PCDH15: variants seen among roughly 807,000 people sequenced by gnomAD.
PCDH15 encodes the protein protocadherin related 15, also known as protocadherin-15.
In PCDH15, 129 loss-of-function variants were observed where a neutral mutation model predicts 178.5. The observed-to-expected ratio is 0.72, with a 90% CI of 0.63 to 0.84. The LOEUF is 0.84. Among genes scored for constraint, PCDH15 ranks in the 40% least tolerant of loss-of-function variants. The probability of loss-of-function intolerance (pLI) is 0.00; values close to 1 mark genes in which losing one functional copy is unlikely to be tolerated. For synonymous variants in PCDH15, 800 were observed against 732.0 expected (o/e 1.09, Z -1.50); for missense variants, 2,230 against 2,099.9 (o/e 1.06, Z -1.21).
chr10:53,860,215 A>G lies in PCDH15; in HGVS notation c.3718-2952T>C, dbSNP rs534595934. On this transcript the variant is annotated intron_variant, in intron 27 of 37. Transcript: ENST00000644397. ...ATTTGTGTGGAAAATAATGAAATAA[A>G]TATTTGGTAATCAGAAGTATAGACT... Among the ~76,000 whole-genome samples, 7 of 152,280 alleles carry G rather than the reference A, an allele frequency of 4.6e-5. No individual in the cohort carries two copies. In the South Asian group the frequency reaches 1.4e-3, roughly 32 times the overall value.
rs568114637 is a variant in PCDH15, at chr10:55,462,512, G to A, written c.-156+165113C>T. Among the ~76,000 whole-genome samples the A allele has an allele frequency of 2.4e-4, 37 of 152,180 alleles. 1 individual carries two copies. The South Asian group carries it at 6.4e-3, about 26-fold the overall frequency. ...AAGGAGTATCAATGTTTCCATTGTT[G>A]CTTTAAAGCATTCATAGTTATGTTC... On this transcript the variant is annotated intron_variant, in intron 2 of 5. Transcript: ENST00000613346.
chr10:54,403,845 ACACT>A (rs573385721), intron 3 of PCDH15, among the ~76,000 whole-genome samples: 56 of 151,704 alleles, frequency 3.7e-4, no homozygotes, highest in Middle Eastern at 3.4e-3. Context: ...TAACTGCCAC[ACACT>A]CACACACACA....
chr10:53,822,743 T>C lies in PCDH15; in HGVS notation c.4368-2513A>G, dbSNP rs1231967235. 15 of 1,614,048 alleles carry C rather than the reference T, an allele frequency of 9.3e-6. No individual in the cohort carries two copies. Among genetic ancestry groups the C allele is most frequent in the Non-Finnish European group, 1.1e-5 (13 of 1,179,954 alleles). On this transcript the variant is annotated intron_variant, in intron 32 of 37. Transcript: ENST00000644397. ...AGAAGTGAGGCCTGGGAAAGCAAAA[T>C]GAAGAGTCTGAAGAGAGAGATTTCA...
intron 8 of PCDH15, among the ~76,000 whole-genome samples, chr10:54,279,563 T>G (rs936722235): frequency 6.6e-6 from 1 of 151,662 alleles, no homozygotes; most frequent in African/African-American, 2.4e-5. Flanking sequence ...TCTACTCATT[T>G]GCCATCCAAA....
At chr10:53,919,123 G>C (rs1289955885) in intron 25 of PCDH15, among the ~76,000 whole-genome samples, 1 of 152,060 alleles carries the variant, frequency 6.6e-6, no homozygotes, top group Non-Finnish European at 1.5e-5. Flanking sequence ...AGATAGTCCA[G>C]AATAATCACC....
chr10:55,077,368 T>G (rs75968970), intron 2 of PCDH15, among the ~76,000 whole-genome samples: 1,612 of 152,184 alleles, frequency 0.011, 34 homozygotes, highest in East Asian at 0.075. Context: ...TTATCTTATT[T>G]TTTTGTCCCT....
At chr10:54,385,325 TAAAAC>T (rs1949787200) in intron 3 of PCDH15, among the ~76,000 whole-genome samples, 1 of 152,090 alleles carries the variant, frequency 6.6e-6, no homozygotes, top group African/African-American at 2.4e-5. Flanking sequence ...TTGAAAATAA[TAAAAC>T]AGATGGATGT....
chr10:53,860,459 A>G, intron 27 of PCDH15, among the ~76,000 whole-genome samples: 1 of 152,128 alleles, frequency 6.6e-6, no homozygotes. Flanking sequence ...AGCCAGGCGT[A>G]GTGCCTCACA....
rs1435056341 is a variant in PCDH15 at position 55,605,062 on chromosome 10, A to C, written c.-156+22563T>G. 2.0e-5 allele frequency among the ~76,000 whole-genome samples: 3 copies of C among 151,908 alleles called. No homozygotes were observed. In the East Asian group the frequency reaches 5.8e-4, roughly 29 times the overall value. On this transcript the variant is annotated intron_variant, in intron 2 of 5. Coordinates refer to the PCDH15 transcript ENST00000613346. ...GACGCAATAAAAAATGATAAAGGGG[A>C]TATCACCACCGATCCCACAGAAATA...
At chr10:55,032,477 C>G (rs1840636124) in intron 2 of PCDH15, among the ~76,000 whole-genome samples, 1 of 152,140 alleles carries the variant, frequency 6.6e-6, no homozygotes, top group East Asian at 1.9e-4. Flanking sequence ...GAATGCTAAG[C>G]TTGTGGGAGT....
chr10:54,571,142 T>A (rs2089776019), intron 2 of PCDH15, among the ~76,000 whole-genome samples: 1 of 151,914 alleles, frequency 6.6e-6, no homozygotes, highest in African/African-American at 2.4e-5. Context: ...TAAGAGGAAC[T>A]GATGTAGAGT....
At chr10:54,933,200 C>T (rs1564641132) in intron 2 of PCDH15, among the ~76,000 whole-genome samples, 1 of 152,010 alleles carries the variant, frequency 6.6e-6, no homozygotes, top group Non-Finnish European at 1.5e-5. Context: ...AACAAAATCT[C>T]ATAATGACAC....
chr10:55,543,424 TTA>T (rs958229371), intron 2 of PCDH15, among the ~76,000 whole-genome samples: 1 of 149,820 alleles, frequency 6.7e-6, no homozygotes, highest in Admixed American at 6.7e-5. Flanking sequence ...CCCTCAACAA[TTA>T]TATATATATA....
At chr10:54,171,931 C>A (rs2046952611) in intron 13 of PCDH15, among the ~76,000 whole-genome samples, 1 of 150,498 alleles carries the variant, frequency 6.6e-6, no homozygotes, top group African/African-American at 2.5e-5. Context: ...GCCCCTAATC[C>A]TGCTTGAAGC....
chr10:55,552,897 A>T (rs1842027020), intron 2 of PCDH15, among the ~76,000 whole-genome samples: 1 of 151,664 alleles, frequency 6.6e-6, no homozygotes, highest in Non-Finnish European at 1.5e-5. Flanking sequence ...TTTAGAAATA[A>T]TTTAAACTTA....
At chr10:54,557,526 T>C (rs1397369453) in intron 2 of PCDH15, among the ~76,000 whole-genome samples, 1 of 152,182 alleles carries the variant, frequency 6.6e-6, no homozygotes, top group African/African-American at 2.4e-5. Context: ...TTCTGAATAG[T>C]TTTCTCCTGT....
Position 54,316,448 on chromosome 10 carries a change from T to G in PCDH15, c.876+823A>C, listed in dbSNP as rs953542883. On this transcript the variant is annotated intron_variant, in intron 8 of 37. Coordinates refer to ENST00000644397, the MANE Select transcript of PCDH15 (RefSeq NM_001384140.1). ...CATTTTGGGAACCCAGAGAGCTGATTGCTTTCCAGGGAAATAGCAAAAATA... is the reference window on the plus strand; with the variant it reads ...CATTTTGGGAACCCAGAGAGCTGATGGCTTTCCAGGGAAATAGCAAAAATA... 2.6e-5 allele frequency among the ~76,000 whole-genome samples: 4 copies of G among 152,134 alleles called. No individual in the cohort carries two copies. In the South Asian group the frequency reaches 8.3e-4, roughly 32 times the overall value.
chr10:54,074,157 C>CAGGGA lies in PCDH15; in HGVS notation c.2091+5173_2091+5174insTCCCT, dbSNP rs140787170. Among the ~76,000 whole-genome samples the CAGGGA allele has an allele frequency of 5.7e-3, 862 of 152,324 alleles. 17 individuals are homozygous for CAGGGA. The highest frequency in any genetic ancestry group is 0.019 in the African/African-American group (805 of 41,574). ...CCTCAATGGCACTGATGTGCACCTG[C>CAGGGA]ACCATCTCTTCACTGTCCACCTCTA... On this transcript the variant is annotated intron_variant, in intron 17 of 37. Coordinates refer to ENST00000644397, the MANE Select transcript of PCDH15 (RefSeq NM_001384140.1).
chr10:53,826,048 T>C (rs2076657553), intron 32 of PCDH15, among the ~76,000 whole-genome samples: 1 of 151,748 alleles, frequency 6.6e-6, no homozygotes, highest in Admixed American at 6.6e-5. Context: ...AATCCTTTTT[T>C]TTAGTTTCTA....
Sources: allele counts gnomAD v4.1 joint callset (sites outside exome capture counted in the v4.1 genomes callset), GRCh38; gene constraint gnomAD v4.1.1; transcripts MANE v1.5; gene names NCBI Gene and HGNC (gene_info 2026-07-23, HGNC 2026-07-21).